Variants in CASZ1 observed in about 807,000 individuals in gnomAD.
CASZ1 encodes zinc finger protein castor homolog 1.
In CASZ1, 28 loss-of-function variants were observed where a neutral mutation model predicts 135.2. The observed-to-expected ratio is 0.21, with a 90% CI of 0.15 to 0.28. The LOEUF (loss-of-function observed/expected upper bound fraction) is 0.28, where lower values mean the gene tolerates loss of function less well. Among genes scored for constraint, CASZ1 ranks in the 10% least tolerant of loss-of-function variants. The pLI is 1.00. For synonymous variants in CASZ1, 1,068 were observed against 1,073.4 expected, an observed-to-expected ratio of 0.99 and a Z score of 0.10; for missense variants, 2,161 against 2,453.3, an observed-to-expected ratio of 0.88 and a Z score of 2.52.
At chr1:10,705,895 C>T (rs963406369) in intron 2 of CASZ1, among the ~76,000 whole-genome samples, 9 of 152,246 alleles carry the variant, frequency 5.9e-5, no homozygotes, top group Admixed American at 2.0e-4. Context: ...GGTGAAGTGG[C>T]CTGCACGCTC....
intron 4 of CASZ1, among the ~76,000 whole-genome samples, chr1:10,684,690 G>A (rs562857070): frequency 6.6e-6 from 1 of 152,350 alleles, no homozygotes; most frequent in Non-Finnish European, 1.5e-5. Context: ...ACACCACGAT[G>A]CTGACCACAC....
Position 10,739,297 on chromosome 1 carries a change from G to A in CASZ1, c.-77+21404C>T, listed in dbSNP as rs1265960770. ...CACCCCTGCTGTCTCTCTGGGTAGG[G>A]GTGCAGGTGAAGCTCACATGTGCCA... On this transcript the variant is annotated intron_variant, in intron 2 of 20. Transcript: ENST00000377022. This position sits in a 1 kb window ranked among gnomAD's most constrained non-coding sequence, Gnocchi z 4.8. Among the ~76,000 whole-genome samples the A allele has an allele frequency of 6.6e-6, 1 of 152,078 alleles. No homozygotes were observed. Among genetic ancestry groups the A allele is most frequent in the Non-Finnish European group, 1.5e-5 (1 of 67,994 alleles).
chr1:10,684,675 G>T (rs879666991), intron 4 of CASZ1, among the ~76,000 whole-genome samples: 2 of 152,198 alleles, frequency 1.3e-5, no homozygotes, highest in Non-Finnish European at 2.9e-5. Flanking sequence ...TCATCCTATC[G>T]CGAGACACCA....
rs751949352 is a variant in CASZ1 at position 10,649,038 on chromosome 1, T to C, written c.3158+32A>G. On this transcript the variant is annotated intron_variant, in intron 15 of 20. Coordinates refer to ENST00000377022, the MANE Select transcript of CASZ1 (RefSeq NM_001079843.3). ...AGAGCCAGGCTGGGATCCGTGGGGC[T>C]CTGTGGAAATGGCCCCCAGCACCCT... 6.2e-6 allele frequency: 10 copies of C among 1,607,948 alleles called. No individual in the cohort carries two copies. The South Asian group carries it at 9.9e-5, about 16-fold the overall frequency.
chr1:10,753,229 G>A (rs772187349), intron 2 of CASZ1, among the ~76,000 whole-genome samples: 3 of 152,194 alleles, frequency 2.0e-5, no homozygotes, highest in Non-Finnish European at 4.4e-5. Flanking sequence ...GGTAGCCCCC[G>A]GCAGGGGGGT....
chr1:10,747,027 C>T lies in CASZ1; in HGVS notation c.-77+13674G>A, dbSNP rs898804607. Among the ~76,000 whole-genome samples the T allele has an allele frequency of 2.6e-5, 4 of 152,258 alleles. No individual in the cohort carries two copies. The highest frequency in any genetic ancestry group is 2.9e-5 in the Non-Finnish European group (2 of 68,046). On this transcript the variant is annotated intron_variant, in intron 2 of 20. Coordinates refer to ENST00000377022, the MANE Select transcript of CASZ1 (RefSeq NM_001079843.3). This position sits in a 1 kb window ranked among gnomAD's most constrained non-coding sequence, Gnocchi z 4.3. ...CCATGGCTTCTCCCCTCATAGCCCC[C>T]GCTAACCAGGAGTGGACGCCCAGAA...
At chr1:10,743,207 C>T (rs1013960706) in intron 2 of CASZ1, among the ~76,000 whole-genome samples, 2 of 151,996 alleles carry the variant, frequency 1.3e-5, no homozygotes, top group African/African-American at 4.8e-5. Context: ...GGGGCATAAA[C>T]CGGAGAATCC....
intron 1 of CASZ1, among the ~76,000 whole-genome samples, chr1:10,778,094 C>T (rs982278387): frequency 6.6e-6 from 1 of 152,090 alleles, no homozygotes; most frequent in African/African-American, 2.4e-5. Flanking sequence ...GTCACACCAT[C>T]TCACACAATC....
At chr1:10,655,850 G>A (rs200012892) in intron 8 of CASZ1, 37 bp from the exon 9 acceptor site, 697 of 1,605,028 alleles carry the variant, frequency 4.3e-4, no homozygotes, top group Non-Finnish European at 5.3e-4. Context: ...AGGAGCCTGA[G>A]CTCCCCCTCC....
At chr1:10,693,792 C>A in intron 4 of CASZ1, 82 bp downstream of exon 4, 1 of 1,241,980 alleles carries the variant, frequency 8.1e-7, no homozygotes, top group Non-Finnish European at 1.2e-6. Flanking sequence ...GCCGCCACCT[C>A]ATTGGGCTAA....
chr1:10,658,971 G>A (rs1642901999), intron 6 of CASZ1, among the ~76,000 whole-genome samples: 1 of 152,208 alleles, frequency 6.6e-6, no homozygotes, highest in Non-Finnish European at 1.5e-5. Context: ...CCAGGCAGCA[G>A]GGGCCGCCCT....
intron 4 of CASZ1, among the ~76,000 whole-genome samples, chr1:10,669,584 C>G (rs1452453414): frequency 6.6e-6 from 1 of 152,188 alleles, no homozygotes; most frequent in South Asian, 2.1e-4. Context: ...GTGAGAGGGG[C>G]GTTCCTGTAG....
chr1:10,705,164 C>T (rs1036059109), intron 3 of CASZ1, among the ~76,000 whole-genome samples: 5 of 152,240 alleles, frequency 3.3e-5, no homozygotes, highest in African/African-American at 4.8e-5. Flanking sequence ...GAGCGGGCAC[C>T]GCAGGCTGGG....
Position 10,654,412 on chromosome 1 carries a change from C to T in CASZ1, c.1838+7G>A, listed in dbSNP as rs767768608. The T allele has an allele frequency of 2.4e-5, 38 of 1,612,118 alleles. No individual in the cohort carries two copies. The East Asian group carries it at 3.8e-4, about 16-fold the overall frequency. ...CCCACGAAGGCCCCCACCAGGCTCCCGCTTACCTGCAGTGGAAGTGCGTGG... is the reference window on the plus strand; with the variant it reads ...CCCACGAAGGCCCCCACCAGGCTCCTGCTTACCTGCAGTGGAAGTGCGTGG... On this transcript the variant is annotated splice_region_variant and intron_variant, in intron 10 of 20. Coordinates refer to ENST00000377022, the MANE Select transcript of CASZ1 (RefSeq NM_001079843.3).
intron 2 of CASZ1, among the ~76,000 whole-genome samples, chr1:10,714,597 C>A (rs542245147): frequency 6.6e-6 from 1 of 152,356 alleles, no homozygotes; most frequent in African/African-American, 2.4e-5. Context: ...TTTTTCCCAG[C>A]GGGGGCTGGA....
intron 5 of CASZ1, among the ~76,000 whole-genome samples, chr1:10,663,449 G>C (rs1467227330): frequency 6.6e-6 from 1 of 152,222 alleles, no homozygotes; most frequent in Non-Finnish European, 1.5e-5. Flanking sequence ...GTCAGCCGCT[G>C]TCCTGACCTC....
chr1:10,704,751 C>T (rs775586115), intron 3 of CASZ1, among the ~76,000 whole-genome samples: 15 of 152,258 alleles, frequency 9.9e-5, no homozygotes, highest in Non-Finnish European at 2.2e-4. Flanking sequence ...GGGCAGGCCC[C>T]GCTATTTACA....
At position 10,665,427 on chromosome 1, in the gene CASZ1, G is replaced by T; in HGVS notation, c.161C>A (p.Thr54Lys). The T allele has an allele frequency of 5.0e-6, 8 of 1,612,242 alleles. No individual in the cohort carries two copies. The highest frequency in any genetic ancestry group is 6.8e-6 in the Non-Finnish European group (8 of 1,179,776). ...CCGGGGCTGCGATGGGCTGCCCTCCGTGTGGGAGCCGGCGTCAGCTCGCTT... is the reference window on the plus strand; with the variant it reads ...CCGGGGCTGCGATGGGCTGCCCTCCTTGTGGGAGCCGGCGTCAGCTCGCTT... ...VEKRADAGSH[T>K]EGSPSQPRDQ... Residue 54 changes from threonine to lysine, a missense_variant, in exon 5 of 21, where the codon ACG becomes AAG. This residue lies in a region of CASZ1 where 590 missense variants were observed against 609.8 expected (regional missense o/e 0.97). Transcript: ENST00000377022.
intron 18 of CASZ1, among the ~76,000 whole-genome samples, chr1:10,643,556 G>A (rs1255819322): frequency 1.3e-5 from 2 of 152,210 alleles, no homozygotes; most frequent in Non-Finnish European, 2.9e-5. Context: ...TGCTGGGCAG[G>A]CCCCCATCCC....
Sources: gnomAD v4.1 joint callset for allele counts (sites outside exome capture counted in the v4.1 genomes callset) on GRCh38, gnomAD v4.1.1 for gene constraint, gnomAD v4.1.1 regional missense constraint, Gnocchi (gnomAD v3.1) non-coding constraint, MANE v1.5 for transcripts, NCBI Gene and HGNC (gene_info 2026-07-23, HGNC 2026-07-21) for gene names.